Variants in STPG2 observed in about 807,000 individuals in gnomAD.
STPG2 encodes the protein sperm tail PG-rich repeat containing 2.
A neutral mutation model predicts 54.2 loss-of-function variants in STPG2; 56 were observed. The observed-to-expected ratio is 1.03, with a 90% CI of 0.83 to 1.29. The LOEUF is 1.29. Among genes scored for constraint, STPG2 ranks in the 50% most tolerant of loss-of-function variants. The pLI, the probability that STPG2 is intolerant of heterozygous loss-of-function variation, is 0.00. For synonymous variants in STPG2, 200 were observed against 181.8 expected (o/e 1.10, Z -0.81); for missense variants, 596 against 544.9 (o/e 1.09, Z -0.93).
At chr4:97,508,443 TA>T (rs1730900027) in intron 4 of STPG2, among the ~76,000 whole-genome samples, 1 of 151,882 alleles carries the variant, frequency 6.6e-6, no homozygotes, top group East Asian at 1.9e-4. Context: ...AATCAATCAA[TA>T]AAAAATAACT....
At chr4:97,870,771 A>G (rs1259183191) in intron 8 of STPG2, among the ~76,000 whole-genome samples, 2 of 151,334 alleles carry the variant, frequency 1.3e-5, no homozygotes, top group Non-Finnish European at 3.0e-5. Context: ...TGGTCCCAAA[A>G]TAAACAGAGA....
At chr4:98,105,442 A>G (rs1324559649) in intron 5 of STPG2, among the ~76,000 whole-genome samples, 1 of 152,004 alleles carries the variant, frequency 6.6e-6, no homozygotes, top group Non-Finnish European at 1.5e-5. Context: ...CTCTCTCCCA[A>G]GTTCAGAGCT....
At chr4:97,994,921 T>C (rs1296290054) in intron 5 of STPG2, among the ~76,000 whole-genome samples, 1 of 152,064 alleles carries the variant, frequency 6.6e-6, no homozygotes, top group Non-Finnish European at 1.5e-5. Context: ...GATCATCAGG[T>C]TGGGGCAGAG....
intron 10 of STPG2, among the ~76,000 whole-genome samples, chr4:97,636,952 A>T (rs920367957): frequency 5.9e-5 from 9 of 152,300 alleles, no homozygotes; most frequent in South Asian, 2.1e-4. Flanking sequence ...AACCTATTCC[A>T]ATCAATAGAA....
intron 5 of STPG2, among the ~76,000 whole-genome samples, chr4:98,028,031 T>G (rs986362510): frequency 3.3e-5 from 5 of 152,186 alleles, no homozygotes; most frequent in Non-Finnish European, 7.3e-5. Context: ...TGCAGGTCTA[T>G]TTTTGGCCTC....
rs185603157 is a variant in STPG2, at chr4:97,843,871, C to A, written c.1045-2939G>T. On this transcript the variant is annotated intron_variant, in intron 8 of 10. Coordinates refer to ENST00000295268, the MANE Select transcript of STPG2 (RefSeq NM_174952.3). ...TGCAATAACTCACTTAAAACTCAAGCCTGACTGACCTGTAACCCCAGAGAC... is the reference window on the plus strand; with the variant it reads ...TGCAATAACTCACTTAAAACTCAAGACTGACTGACCTGTAACCCCAGAGAC... 3.6e-3 allele frequency among the ~76,000 whole-genome samples: 545 copies of A among 151,918 alleles called. 5 individuals are homozygous for A. Among genetic ancestry groups the A allele is most frequent in the African/African-American group, 0.012 (518 of 41,504 alleles).
chr4:97,807,439 G>A (rs536397882), intron 9 of STPG2, among the ~76,000 whole-genome samples: 1 of 151,890 alleles, frequency 6.6e-6, no homozygotes, highest in Admixed American at 6.6e-5. Flanking sequence ...ATAGACAACA[G>A]ATTCCCAGTT....
intron 8 of STPG2, among the ~76,000 whole-genome samples, chr4:97,931,860 C>A (rs887305870): frequency 4.6e-5 from 7 of 151,970 alleles, no homozygotes; most frequent in African/African-American, 1.7e-4. Flanking sequence ...AGCTATGAAT[C>A]CATCAGGTCT....
chr4:97,852,211 A>C (rs1479677755), intron 8 of STPG2, among the ~76,000 whole-genome samples: 1 of 152,162 alleles, frequency 6.6e-6, no homozygotes, highest in African/African-American at 2.4e-5. Context: ...AACCCTAGAG[A>C]AATGTCTACA....
chr4:97,443,853 A>G (rs1729151909), intron 4 of STPG2, among the ~76,000 whole-genome samples: 1 of 152,188 alleles, frequency 6.6e-6, no homozygotes, highest in African/African-American at 2.4e-5. Context: ...CAGAAAACTA[A>G]AACATAAGCA....
At chr4:97,735,693 C>T (rs993447687) in intron 9 of STPG2, among the ~76,000 whole-genome samples, 4 of 149,988 alleles carry the variant, frequency 2.7e-5, no homozygotes, top group Non-Finnish European at 4.4e-5. Context: ...TATATCCTTA[C>T]AATATATAAG....
At chr4:97,655,777 A>G (rs1478629048) in intron 10 of STPG2, among the ~76,000 whole-genome samples, 1 of 152,152 alleles carries the variant, frequency 6.6e-6, no homozygotes, top group Non-Finnish European at 1.5e-5. Flanking sequence ...TGGGAATTAT[A>G]CAATTCTTCA....
At chr4:97,793,752 A>G (rs1727081258) in intron 9 of STPG2, among the ~76,000 whole-genome samples, 1 of 152,112 alleles carries the variant, frequency 6.6e-6, no homozygotes, top group South Asian at 2.1e-4. Context: ...GAACATGGAT[A>G]TTGATGAAAT....
intron 9 of STPG2, among the ~76,000 whole-genome samples, chr4:97,817,452 T>C (rs1258523183): frequency 6.6e-6 from 1 of 152,052 alleles, no homozygotes; most frequent in East Asian, 1.9e-4. Flanking sequence ...AACTTTAGAA[T>C]ACTTGCTTAG....
intron 9 of STPG2, among the ~76,000 whole-genome samples, chr4:97,767,983 T>C (rs1206050986): frequency 2.0e-5 from 3 of 151,994 alleles, no homozygotes; most frequent in Non-Finnish European, 4.4e-5. Flanking sequence ...CTGGCCAACA[T>C]GGTGAAACCC....
chr4:98,134,335 C>T lies in STPG2; in HGVS notation c.222+12G>A, dbSNP rs766502058. 1 of 1,486,716 alleles carries T rather than the reference C, an allele frequency of 6.7e-7. No homozygotes were observed. The highest frequency in any genetic ancestry group is 2.0e-5 in the Admixed American group (1 of 49,586). The allele number at this position is 1,486,716 out of a possible 1,614,324, so 92.1% of individuals were successfully genotyped here. A position where few individuals can be genotyped will look rare whatever the true frequency, so the allele number is the denominator to read the frequency against. ...GGTTTTATTAAGTCAATTATAGTAA[C>T]TATAAAGTTACCTGTGCTTCTGAAA... On this transcript the variant is annotated intron_variant, in intron 2 of 10. Coordinates refer to ENST00000295268, the MANE Select transcript of STPG2 (RefSeq NM_174952.3).
chr4:97,635,610 G>C (rs1721487515), intron 10 of STPG2, among the ~76,000 whole-genome samples: 1 of 152,116 alleles, frequency 6.6e-6, no homozygotes, highest in African/African-American at 2.4e-5. Flanking sequence ...CACGTGCAGA[G>C]ACACATATAG....
intron 5 of STPG2, among the ~76,000 whole-genome samples, chr4:98,013,877 G>T (rs1735839852): frequency 2.6e-5 from 4 of 151,636 alleles, no homozygotes; most frequent in African/African-American, 9.7e-5. Context: ...TATTAATGTA[G>T]CTAGTGGTCT....
intron 10 of STPG2, among the ~76,000 whole-genome samples, chr4:97,691,497 C>A (rs1033831305): frequency 6.6e-6 from 1 of 152,056 alleles, no homozygotes; most frequent in African/African-American, 2.4e-5. Flanking sequence ...AACCACAACT[C>A]CACTTCTCAC....
Sources: gnomAD v4.1 joint callset for allele counts (sites outside exome capture counted in the v4.1 genomes callset) on GRCh38, gnomAD v4.1.1 for gene constraint, MANE v1.5 for transcripts, NCBI Gene and HGNC (gene_info 2026-07-23, HGNC 2026-07-21) for gene names.